The following AIMP2 variants were observed in gnomAD, a reference collection of about 807,000 sequenced individuals.
AIMP2 encodes aminoacyl tRNA synthetase complex interacting multifunctional protein 2.
A neutral mutation model predicts 23.4 loss-of-function variants in AIMP2; 20 were observed. The observed-to-expected ratio is 0.85, with a 90% confidence interval of 0.60 to 1.24. The LOEUF is 1.24. Among genes scored for constraint, AIMP2 ranks in the 50% most tolerant of loss-of-function variants. The pLI is 0.00. For synonymous variants in AIMP2, 210 were observed against 170.4 expected (o/e 1.23, Z -1.81); for missense variants, 515 against 414.5 (o/e 1.24, Z -2.10).
chr7:6,009,974 A>ATATATACATATATATAT (rs1554310935), intron 1 of AIMP2, among the ~76,000 whole-genome samples: 5 of 26,662 alleles, frequency 1.9e-4, no homozygotes, highest in Non-Finnish European at 3.4e-4. Flanking sequence ...AAAAAAAAAA[A>ATATATACATATATATAT]ATATATATAT....
Position 6,009,430 on chromosome 7 carries a change from T to A in AIMP2, c.67T>A (p.Cys23Ser), listed in dbSNP as rs1371935734. The A allele has an allele frequency of 1.2e-6, 2 of 1,611,314 alleles. No individual in the cohort carries two copies. Among genetic ancestry groups the A allele is most frequent in the Non-Finnish European group, 1.7e-6 (2 of 1,179,910 alleles). The change falls in exon 1 of 4, where the codon TGC becomes AGC. Residue 23 changes from cysteine to serine, a missense_variant. By Grantham distance (112) the Cys-to-Ser change is moderately radical. Transcript: ENST00000223029. Reference protein sequence around the residue: ...GAPLRVELPTCMYRLPNVHGR... With the variant: ...GAPLRVELPTSMYRLPNVHGR... ...GCCTCTCCGTGTGGAGCTTCCCACC[T>A]GCATGTACCGGCTCCCCAACGTGCA...
rs75895975 is a variant in AIMP2, at chr7:6,017,932, C to T, written c.461C>T (p.Thr154Met). The change falls in exon 3 of 4, where the codon ACG (threonine) becomes ATG (methionine). Residue 154 changes from threonine to methionine, a missense_variant. By Grantham distance (81) the Thr-to-Met change is moderately conservative (BLOSUM62 -1). Transcript: ENST00000223029. ...EHFRVLSTVH[T>M]HSSVKSVPEN... ...TTCAGGGTCCTGTCCACGGTGCACA[C>T]GCACTCCTCGGTCAAGAGCGTGCCT... 192 of 1,614,034 alleles carry T rather than the reference C, an allele frequency of 1.2e-4. 3 individuals are homozygous for T. Among genetic ancestry groups the T allele is most frequent in the South Asian group, 8.6e-4 (78 of 91,084 alleles).
At chr7:6,011,723 C>T (rs1786702587) in intron 1 of AIMP2, among the ~76,000 whole-genome samples, 1 of 152,140 alleles carries the variant, frequency 6.6e-6, no homozygotes, top group Admixed American at 6.6e-5. Context: ...CTAGAGAGTG[C>T]CGTGGAAACA....
At chr7:6,013,747 A>T (rs1244783917) in intron 1 of AIMP2, among the ~76,000 whole-genome samples, 1 of 152,094 alleles carries the variant, frequency 6.6e-6, no homozygotes, top group Non-Finnish European at 1.5e-5. Context: ...CAGGAGTTTG[A>T]GACCAGCCTG....
In AIMP2 at chr7:6,023,583, C is replaced by T. The variant is rs753260652; in HGVS notation, c.855C>T (p.Leu285=). Residue 285 remains leucine, a synonymous_variant, in exon 4 of 4, where the codon CTC becomes CTT. Transcript: ENST00000223029. The stretch of plus-strand genomic sequence containing the variant: ...CAGACGTGGTGCTGTGGTCTGTACT[C>T]CAGCAGATCGGAGGCTGCAGTGTGA... ...TVADVVLWSV[L]QQIGGCSVTV... 1 of 1,614,090 alleles carries T rather than the reference C, an allele frequency of 6.2e-7. No individual in the cohort carries two copies. The highest frequency in any genetic ancestry group is 1.3e-5 in the African/African-American group (1 of 74,926).
intron 2 of AIMP2, 59 bp downstream of exon 2, chr7:6,015,411 T>C (rs1786965294): frequency 1.9e-6 from 3 of 1,567,236 alleles, no homozygotes; most frequent in African/African-American, 1.4e-5. Flanking sequence ...TGCAGGGAAA[T>C]TGTGCTGCTG....
chr7:6,019,123 G>A (rs576792929), intron 3 of AIMP2, among the ~76,000 whole-genome samples: 10 of 151,812 alleles, frequency 6.6e-5, no homozygotes, highest in East Asian at 5.8e-4. Context: ...CGCCTCCAGC[G>A]TGGGGAGTGT....
At chr7:6,016,876 T>G (rs1787060098) in intron 2 of AIMP2, 1 of 155,556 alleles carries the variant, frequency 6.4e-6, no homozygotes, top group South Asian at 2.0e-4. Flanking sequence ...AAGGCTGTCA[T>G]GCATGGGTTT....
rs762745274 is a variant in AIMP2, at chr7:6,023,562, C to T, written c.834C>T (p.Asp278=). ...WLAGNELTVA[D]VVLWSVLQQI... ...CTGGGAATGAACTCACCGTAGCAGACGTGGTGCTGTGGTCTGTACTCCAGC... is the reference window on the plus strand; with the variant it reads ...CTGGGAATGAACTCACCGTAGCAGATGTGGTGCTGTGGTCTGTACTCCAGC... Residue 278 remains aspartate, a synonymous_variant, in exon 4 of 4, where the codon GAC becomes GAT. Transcript: ENST00000223029. 9 of 1,614,214 alleles carry T rather than the reference C, an allele frequency of 5.6e-6. No individual in the cohort carries two copies. Among genetic ancestry groups the T allele is most frequent in the Admixed American group, 3.3e-5 (2 of 60,022 alleles).
intron 2 of AIMP2, among the ~76,000 whole-genome samples, chr7:6,015,630 A>G (rs914985685): frequency 6.6e-6 from 1 of 152,246 alleles, no homozygotes; most frequent in African/African-American, 2.4e-5. Flanking sequence ...AGGCTGAGGC[A>G]GGAGAATGGC....
chr7:6,011,037 T>C (rs1786654037), intron 1 of AIMP2, among the ~76,000 whole-genome samples: 1 of 152,208 alleles, frequency 6.6e-6, no homozygotes, highest in South Asian at 2.1e-4. Flanking sequence ...TCATCATCTC[T>C]GTACTATACC....
At chr7:6,020,093 C>T (rs1231661924) in intron 3 of AIMP2, among the ~76,000 whole-genome samples, 1 of 151,554 alleles carries the variant, frequency 6.6e-6, no homozygotes, top group South Asian at 2.1e-4. Context: ...AAACCTTGCA[C>T]TTTTTGCAGA....
At position 6,009,501 on chromosome 7, in the gene AIMP2, A is replaced by G. The variant is rs1786374662; in HGVS notation, c.135+3A>G. 6.6e-7 allele frequency: 1 copy of G among 1,525,266 alleles called. No individual in the cohort carries two copies. Among genetic ancestry groups the G allele is most frequent in the Non-Finnish European group, 8.7e-7 (1 of 1,144,448 alleles). The allele number at this position is 1,525,266 out of a possible 1,614,324, so 94.5% of individuals were successfully genotyped here. A position where few individuals can be genotyped will look rare whatever the true frequency, so the allele number is the denominator to read the frequency against. The stretch of plus-strand genomic sequence containing the variant: ...CGCCGGGCGCTGGCCACGTGCAGGT[A>G]GGAGCGCGGGGCCCCCCGCCCAGTG... On this transcript the variant is annotated splice_donor_region_variant and intron_variant, in intron 1 of 3. Transcript: ENST00000223029.
Position 6,017,939 on chromosome 7 carries a change from C to T in AIMP2, c.468C>T (p.Ser156=). Residue 156 remains serine, a synonymous_variant, in exon 3 of 4, where the codon TCC becomes TCT. Coordinates refer to ENST00000223029, the MANE Select transcript of AIMP2 (RefSeq NM_006303.4). Reference sequence around the variant, plus strand: ...TCCTGTCCACGGTGCACACGCACTCCTCGGTCAAGAGCGTGCCTGAAAACC... The same window carrying T: ...TCCTGTCCACGGTGCACACGCACTCTTCGGTCAAGAGCGTGCCTGAAAACC... ...FRVLSTVHTH[S]SVKSVPENLL... The T allele has an allele frequency of 1.2e-6, 2 of 1,614,028 alleles. No individual in the cohort carries two copies. Among genetic ancestry groups the T allele is most frequent in the East Asian group, 2.2e-5 (1 of 44,866 alleles).
intron 3 of AIMP2, among the ~76,000 whole-genome samples, chr7:6,021,329 A>G (rs1015460600): frequency 7.8e-4 from 100 of 127,482 alleles, no homozygotes; most frequent in Admixed American, 3.8e-3. Flanking sequence ...ACAGAGCAAG[A>G]CTCCATCTCA....
In AIMP2 at chr7:6,009,401, G is replaced by T; in HGVS notation, c.38G>T (p.Gly13Val). 6.2e-7 allele frequency: 1 copy of T among 1,611,628 alleles called. No individual in the cohort carries two copies. Among genetic ancestry groups the T allele is most frequent in the Non-Finnish European group, 8.5e-7 (1 of 1,179,994 alleles). ...CAGGTAAAGCCCTATCACGGGGGCG[G>T]CGCGCCTCTCCGTGTGGAGCTTCCC... is the stretch of plus-strand genomic sequence containing the variant. ...MYQVKPYHGG[G>V]APLRVELPTC... The change falls in exon 1 of 4, where the codon GGC becomes GTC. Residue 13 changes from glycine (G) to valine (V), a missense_variant. Gly to Val is a moderately radical substitution (Grantham distance 109, BLOSUM62 -3). Transcript: ENST00000223029.
intron 1 of AIMP2, among the ~76,000 whole-genome samples, chr7:6,014,701 T>C (rs1474916650): frequency 6.6e-6 from 1 of 152,048 alleles, no homozygotes; most frequent in Non-Finnish European, 1.5e-5. Flanking sequence ...TTGCATCCCA[T>C]AATGTCTTCT....
intron 3 of AIMP2, 33 bp from the exon 4 acceptor site, chr7:6,023,270 G>C (rs1391710310): frequency 6.4e-7 from 1 of 1,556,584 alleles, no homozygotes; most frequent in African/African-American, 1.4e-5. Flanking sequence ...GGGCTGCTCT[G>C]GTGATGCTAC....
intron 1 of AIMP2, chr7:6,013,013 A>G (rs1786787282): frequency 1.1e-6 from 1 of 913,642 alleles, no homozygotes; most frequent in Non-Finnish European, 1.3e-6. Context: ...CAAACAAGAG[A>G]AGAAGGAAGA....
Sources: gnomAD v4.1 joint callset for allele counts (sites outside exome capture counted in the v4.1 genomes callset) on GRCh38, gnomAD v4.1.1 for gene constraint, MANE v1.5 for transcripts, NCBI Gene and HGNC (gene_info 2026-07-23, HGNC 2026-07-21) for gene names.